Variants in TENT5A observed in about 807,000 individuals in gnomAD.
The protein encoded by TENT5A is HBV X-transactivated gene 11 protein.
TENT5A carries 9 observed loss-of-function variants against 30.2 expected under a neutral mutation model. The ratio of observed to expected loss-of-function variants is 0.30; its 90% CI spans 0.18 to 0.52. The LOEUF is 0.52. TENT5A is among the 20% of genes least tolerant of loss of function. The pLI is 0.97. For missense variants in TENT5A, 411 were observed against 566.1 expected (o/e 0.73, Z 2.78); for synonymous variants, 264 against 234.2 (o/e 1.13, Z -1.16).
rs771664872 is a variant in TENT5A at position 81,748,693 on chromosome 6, TATG to T, written c.*999_*1001del. 1,183 of 973,602 alleles carry T rather than the reference TATG, an allele frequency of 1.2e-3. No individual in the cohort carries two copies. Among genetic ancestry groups the T allele is most frequent in the Admixed American group, 2.2e-3 (35 of 16,268 alleles). 60.3% of individuals were successfully genotyped at this position (973,602 alleles called of 1,614,324 possible). ...ATTTATACACACATACACATGTACC[TATG>T]ATAATATCAGATCAACAAATGTTAA... On this transcript the variant is annotated 3_prime_UTR_variant, in exon 3 of 3. Coordinates refer to ENST00000320172, the MANE Select transcript of TENT5A (RefSeq NM_017633.3).
In TENT5A at chr6:81,750,292, A is replaced by G; in HGVS notation, c.732T>C (p.Tyr244=). ...CAGTCATTGGGTTCTCTGAACATTC[A>G]TAAAAGAGCAGAAGAGAGTCTAATT... ...QIKLDSLLLF[Y]ECSENPMTET... is the part of the protein sequence containing the mutation. The change falls in exon 3 of 3, where the codon TAT becomes TAC. Residue 244 remains tyrosine, a synonymous_variant. Coordinates refer to ENST00000320172, the MANE Select transcript of TENT5A (RefSeq NM_017633.3). The surrounding 1 kb of genome is among the most constrained non-coding windows in gnomAD (Gnocchi z 4.2). 4 of 1,613,938 alleles carry G rather than the reference A, an allele frequency of 2.5e-6. No individual in the cohort carries two copies. The highest frequency in any genetic ancestry group is 3.3e-5 in the Admixed American group (2 of 59,952).
rs1213480813 is a variant in TENT5A at position 81,746,531 on chromosome 6, A to T, written c.*3164T>A. The T allele has an allele frequency of 1.6e-6, 2 of 1,232,010 alleles. No individual in the cohort carries two copies. Among genetic ancestry groups the T allele is most frequent in the Admixed American group, 8.4e-5 (2 of 23,684 alleles). The allele number at this position is 1,232,010 out of a possible 1,614,324, so 76.3% of individuals were successfully genotyped here. A position where few individuals can be genotyped will look rare whatever the true frequency, so the allele number is the denominator to read the frequency against. On this transcript the variant is annotated 3_prime_UTR_variant, in exon 3 of 3. Coordinates refer to ENST00000320172, the MANE Select transcript of TENT5A (RefSeq NM_017633.3). Reference sequence around the variant, plus strand: ...TACTTGATCCCATTTCTGGAAAGGAAATGTCCATCTTGGTGTAGGAGTTCT... The same window carrying T: ...TACTTGATCCCATTTCTGGAAAGGATATGTCCATCTTGGTGTAGGAGTTCT...
rs1769045240 is a variant in TENT5A at position 81,751,935 on chromosome 6, C to T, written c.207G>A (p.Glu69=). 6.2e-7 allele frequency: 1 copy of T among 1,611,700 alleles called. No individual in the cohort carries two copies. The highest frequency in any genetic ancestry group is 8.5e-7 in the Non-Finnish European group (1 of 1,179,072). Residue 69 remains glutamate (E), a synonymous_variant, in exon 2 of 3, where the codon GAG becomes GAA. Transcript: ENST00000320172. ...PTAHCNVLNW[E]QVQRLDGILS... ...GGATGCCGTCCAGCCGCTGCACTTG[C>T]TCCCAGTTCAGCACATTGCAGTGCG...
rs1392822428 is a variant in TENT5A, at chr6:81,746,949, G to T, written c.*2746C>A. ...AATGCTAGAAGTTGTCTTGAGTACA[G>T]CCTGTTCTATATGAATAGGTGCCAG... On this transcript the variant is annotated 3_prime_UTR_variant, in exon 3 of 3. Transcript: ENST00000320172. 2.0e-6 allele frequency: 2 copies of T among 996,794 alleles called. No individual in the cohort carries two copies. Among genetic ancestry groups the T allele is most frequent in the African/African-American group, 1.7e-5 (1 of 57,838 alleles). 61.7% of individuals were successfully genotyped at this position (996,794 alleles called of 1,614,324 possible).
Position 81,746,411 on chromosome 6 carries a change from T to C in TENT5A, c.*3284A>G. On this transcript the variant is annotated 3_prime_UTR_variant, in exon 3 of 3. Transcript: ENST00000320172. ...GGGTGGTAAAAACAGTACGTTCACT[T>C]TTCATTTCCTTCCTTGGTTTGGATT... The C allele has an allele frequency of 8.1e-7, 1 of 1,230,832 alleles. No individual in the cohort carries two copies. Among genetic ancestry groups the C allele is most frequent in the Non-Finnish European group, 1.0e-6 (1 of 987,230 alleles). The allele number at this position is 1,230,832 out of a possible 1,614,324, so 76.2% of individuals were successfully genotyped here. A position where few individuals can be genotyped will look rare whatever the true frequency, so the allele number is the denominator to read the frequency against.
Position 81,751,429 on chromosome 6 carries a change from T to A in TENT5A, c.552+161A>T, listed in dbSNP as rs1769030872. ...AAACACTCAACACCGTCCACGCACGTCAGTTTACTGGTTTAAAAAATCAAA... is the reference window on the plus strand; with the variant it reads ...AAACACTCAACACCGTCCACGCACGACAGTTTACTGGTTTAAAAAATCAAA... On this transcript the variant is annotated intron_variant, in intron 2 of 2. Coordinates refer to ENST00000320172, the MANE Select transcript of TENT5A (RefSeq NM_017633.3). 2.0e-5 allele frequency among the ~76,000 whole-genome samples: 3 copies of A among 152,108 alleles called. No individual in the cohort carries two copies. In the South Asian group the frequency reaches 6.2e-4, roughly 31 times the overall value.
At position 81,750,738 on chromosome 6, in the gene TENT5A, G is replaced by A. The variant is rs767842062; in HGVS notation, c.553-267C>T. ...TAGCACAGTAGTAAGAGGTTTTGTT[G>A]TCATGTCTGACTTTTTAAGTGTTAC... On this transcript the variant is annotated intron_variant, in intron 2 of 2. Coordinates refer to ENST00000320172, the MANE Select transcript of TENT5A (RefSeq NM_017633.3). This position sits in a 1 kb window ranked among gnomAD's most constrained non-coding sequence, Gnocchi z 4.2. Among the ~76,000 whole-genome samples the A allele has an allele frequency of 2.4e-4, 37 of 152,180 alleles. No homozygotes were observed. The highest frequency in any genetic ancestry group is 4.4e-4 in the Non-Finnish European group (30 of 68,032).
chr6:81,752,507 G>A lies in TENT5A; in HGVS notation c.-114C>T. On this transcript the variant is annotated 5_prime_UTR_variant, in exon 1 of 3. Coordinates refer to ENST00000320172, the MANE Select transcript of TENT5A (RefSeq NM_017633.3). ...AGGCGGCAACACTTCCAGGAGCTGC[G>A]AGCGCGCTCAGACAGCAAATAGCGA... 2.0e-6 allele frequency: 3 copies of A among 1,469,856 alleles called. No individual in the cohort carries two copies. The highest frequency in any genetic ancestry group is 2.5e-5 in the East Asian group (1 of 40,492). The allele number at this position is 1,469,856 out of a possible 1,614,324, so 91.1% of individuals were successfully genotyped here. A position where few individuals can be genotyped will look rare whatever the true frequency, so the allele number is the denominator to read the frequency against.
chr6:81,749,880 T>C lies in TENT5A; in HGVS notation c.1144A>G (p.Thr382Ala). 1.1e-5 allele frequency: 17 copies of C among 1,614,130 alleles called. No individual in the cohort carries two copies. The highest frequency in any genetic ancestry group is 1.4e-5 in the Non-Finnish European group (16 of 1,180,008). Residue 382 changes from threonine to alanine, a missense_variant, in exon 3 of 3, where the codon ACC becomes GCC. Physicochemically the swap from Thr to Ala is moderately conservative, Grantham distance 58. Transcript: ENST00000320172. ...HERRQTLNLI[T>A]MLAIRVLADQ... ...GCTAACACCCGGATAGCCAGCATGG[T>C]GATAAGGTTTAAAGTCTGTCTTCTT... is the stretch of plus-strand genomic sequence containing the variant.
In TENT5A at chr6:81,747,407, T is replaced by TA. The variant is rs1401892820; in HGVS notation, c.*2287dup. 1.0e-5 allele frequency: 10 copies of TA among 985,844 alleles called. No individual in the cohort carries two copies. The East Asian group carries it at 1.1e-3, about 112-fold the overall frequency. The allele number at this position is 985,844 out of a possible 1,614,324, so 61.1% of individuals were successfully genotyped here. On this transcript the variant is annotated 3_prime_UTR_variant, in exon 3 of 3. Coordinates refer to ENST00000320172, the MANE Select transcript of TENT5A (RefSeq NM_017633.3). ...CAAGATGGTAGTAGGAGGAGTTCCT[T>TA]AGAAAACTGAGTGGCAGTGCAGCGG...
intron 2 of TENT5A, 46 bp downstream of exon 2, chr6:81,751,544 C>G: frequency 1.3e-6 from 2 of 1,521,470 alleles, no homozygotes; most frequent in African/African-American, 1.4e-5. Flanking sequence ...CCGTCACACC[C>G]GGCCCAGACT....
Position 81,752,117 on chromosome 6 carries a change from C to T in TENT5A, c.25G>A (p.Ala9Thr). The T allele has an allele frequency of 6.5e-7, 1 of 1,539,198 alleles. No homozygotes were observed. The change falls in exon 2 of 3, where the codon GCC becomes ACC. Residue 9 changes from alanine (A) to threonine (T), a missense_variant. Ala to Thr is a moderately conservative substitution (Grantham distance 58). Coordinates refer to ENST00000320172, the MANE Select transcript of TENT5A (RefSeq NM_017633.3). MAEGEGYF[A>T]MSEDELACSP... ...CAGGCCAGCTCGTCCTCAGACATGG[C>T]GAAGTACCCTTCACCCTCCGCCATG...
chr6:81,750,109 C>T lies in TENT5A; in HGVS notation c.915G>A (p.Arg305=), dbSNP rs1490649257. Residue 305 remains arginine, a synonymous_variant, in exon 3 of 3, where the codon AGG becomes AGA. Coordinates refer to ENST00000320172, the MANE Select transcript of TENT5A (RefSeq NM_017633.3). This position sits in a 1 kb window ranked among gnomAD's most constrained non-coding sequence, Gnocchi z 4.2. ...GGGTCTTGATTTCATCAGAGGCGGGCCTAAAGCCCCTCACCAAGAGGTTGC... is the reference window on the plus strand; with the variant it reads ...GGGTCTTGATTTCATCAGAGGCGGGTCTAAAGCCCCTCACCAAGAGGTTGC... ...KYCNLLVRGF[R]PASDEIKTLQ... The T allele has an allele frequency of 3.1e-6, 5 of 1,613,584 alleles. No homozygotes were observed. The highest frequency in any genetic ancestry group is 4.2e-6 in the Non-Finnish European group (5 of 1,179,752).
chr6:81,749,608 T>A lies in TENT5A; in HGVS notation c.*87A>T. On this transcript the variant is annotated 3_prime_UTR_variant, in exon 3 of 3. Coordinates refer to ENST00000320172, the MANE Select transcript of TENT5A (RefSeq NM_017633.3). Reference sequence around the variant, plus strand: ...CACAAAACACATCCCTAATAAGGGCTGGATCACTCTTTTTTTTTTCTTTTT... The same window carrying A: ...CACAAAACACATCCCTAATAAGGGCAGGATCACTCTTTTTTTTTTCTTTTT... 1 of 1,507,598 alleles carries A rather than the reference T, an allele frequency of 6.6e-7. No individual in the cohort carries two copies. The highest frequency in any genetic ancestry group is 2.3e-5 in the Admixed American group (1 of 43,512). The allele number at this position is 1,507,598 out of a possible 1,614,324, so 93.4% of individuals were successfully genotyped here. A position where few individuals can be genotyped will look rare whatever the true frequency, so the allele number is the denominator to read the frequency against.
rs111586030 is a variant in TENT5A at position 81,748,397 on chromosome 6, A to G, written c.*1298T>C. On this transcript the variant is annotated 3_prime_UTR_variant, in exon 3 of 3. Transcript: ENST00000320172. ...TATGGCTCACCAAAGAAAAAAAAAAAAAGAAAAAAAAATCCCACTAAAACA... is the reference window on the plus strand; with the variant it reads ...TATGGCTCACCAAAGAAAAAAAAAAGAAGAAAAAAAAATCCCACTAAAACA... The G allele has an allele frequency of 2.7e-3, 2,616 of 983,020 alleles. 55 individuals are homozygous for G. The African/African-American group carries it at 0.039, about 15-fold the overall frequency. The allele number at this position is 983,020 out of a possible 1,614,324, so 60.9% of individuals were successfully genotyped here. A position where few individuals can be genotyped will look rare whatever the true frequency, so the allele number is the denominator to read the frequency against.
At position 81,749,199 on chromosome 6, in the gene TENT5A, A is replaced by G. The variant is rs140112287; in HGVS notation, c.*496T>C. 1,034 of 986,218 alleles carry G rather than the reference A, an allele frequency of 1.0e-3. 13 individuals carry two copies. In the African/African-American group the frequency reaches 0.017, roughly 16 times the overall value. 61.1% of individuals were successfully genotyped at this position (986,218 alleles called of 1,614,324 possible). A position where few individuals can be genotyped will look rare whatever the true frequency, so the allele number is the denominator to read the frequency against. ...CTACAAGCCTCAGACAGTAATCCCA[A>G]CGTTGGAGTTCCCCTTTTTCCTGTA... On this transcript the variant is annotated 3_prime_UTR_variant, in exon 3 of 3. Transcript: ENST00000320172.
At chr6:81,752,227 GCACGCGCGGCGGCGGAGA>G (rs1769061265) in intron 1 of TENT5A, 49 bp from the exon 2 acceptor site, 1 of 1,254,468 alleles carries the variant, frequency 8.0e-7, no homozygotes, top group African/African-American at 2.2e-5. Flanking sequence ...GCGGCGGAGA[GCACGCGCGGCGGCGGAGA>G]GCAGAGGCCC....
chr6:81,749,528 T>C lies in TENT5A; in HGVS notation c.*167A>G. The C allele has an allele frequency of 2.2e-6, 3 of 1,373,636 alleles. No homozygotes were observed. The highest frequency in any genetic ancestry group is 2.9e-5 in the African/African-American group (2 of 68,150). The allele number at this position is 1,373,636 out of a possible 1,614,324, so 85.1% of individuals were successfully genotyped here. ...CCTTTCGAGATCATGCTCCCACATC[T>C]ATTAAAAGATACATAAGCTTTGCCA... On this transcript the variant is annotated 3_prime_UTR_variant, in exon 3 of 3. Coordinates refer to ENST00000320172, the MANE Select transcript of TENT5A (RefSeq NM_017633.3).
At position 81,751,951 on chromosome 6, in the gene TENT5A, T is replaced by C. The variant is rs979899979; in HGVS notation, c.191A>G (p.Asn64Ser). 40 of 1,605,998 alleles carry C rather than the reference T, an allele frequency of 2.5e-5. No homozygotes were observed. The Middle Eastern group carries it at 4.9e-4, about 20-fold the overall frequency. Residue 64 changes from asparagine (N) to serine (S), a missense_variant, in exon 2 of 3, where the codon AAT becomes AGT. By Grantham distance (46) the Asn-to-Ser change is conservative. Coordinates refer to ENST00000320172, the MANE Select transcript of TENT5A (RefSeq NM_017633.3). ...DYCESPTAHC[N>S]VLNWEQVQRL... Reference sequence around the variant, plus strand: ...CTGCACTTGCTCCCAGTTCAGCACATTGCAGTGCGCCGTAGGGCTTTCGCA... The same window carrying C: ...CTGCACTTGCTCCCAGTTCAGCACACTGCAGTGCGCCGTAGGGCTTTCGCA...
Sources: allele counts gnomAD v4.1 joint callset (sites outside exome capture counted in the v4.1 genomes callset), GRCh38; gene constraint gnomAD v4.1.1; non-coding constraint Gnocchi (gnomAD v3.1); transcripts MANE v1.5; gene names NCBI Gene and HGNC (gene_info 2026-07-23, HGNC 2026-07-21).